L3MBTL4: variants seen among roughly 807,000 people sequenced by gnomAD.
L3MBTL4 encodes the protein L3MBTL histone methyl-lysine binding protein 4.
In L3MBTL4, 70 loss-of-function variants were observed where a neutral mutation model predicts 84.5. That is an observed-to-expected ratio of 0.83 (90% CI 0.68 to 1.01). L3MBTL4 has a LOEUF of 1.01. L3MBTL4 is among the 50% of genes least tolerant of loss of function. The pLI is 0.00. For synonymous variants in L3MBTL4, 274 were observed against 259.8 expected, an observed-to-expected ratio of 1.05 and a Z score of -0.52; for missense variants, 715 against 754.8, an observed-to-expected ratio of 0.95 and a Z score of 0.62.
chr18:6,114,751 A>T (rs1189949879), intron 14 of L3MBTL4, among the ~76,000 whole-genome samples: 1 of 152,208 alleles, frequency 6.6e-6, no homozygotes, highest in Non-Finnish European at 1.5e-5. Context: ...AAGCTTACAA[A>T]AGCTATCTTA....
intron 16 of L3MBTL4, among the ~76,000 whole-genome samples, chr18:6,009,713 ATTG>A (rs1414251488): frequency 2.0e-5 from 3 of 152,114 alleles, no homozygotes; most frequent in Non-Finnish European, 4.4e-5. Context: ...TGTTATTTTT[ATTG>A]TTGTATGTTA....
At chr18:6,183,250 C>T (rs2044562446) in intron 12 of L3MBTL4, among the ~76,000 whole-genome samples, 2 of 152,180 alleles carry the variant, frequency 1.3e-5, no homozygotes, top group Non-Finnish European at 2.9e-5. Flanking sequence ...GATATCTTTG[C>T]AAGAAAAACC....
At chr18:5,993,309 A>C (rs2145172149) in intron 16 of L3MBTL4, among the ~76,000 whole-genome samples, 1 of 152,340 alleles carries the variant, frequency 6.6e-6, no homozygotes, top group African/African-American at 2.4e-5. Context: ...TGACTTTTCC[A>C]GATAAATCTG....
intron 13 of L3MBTL4, among the ~76,000 whole-genome samples, chr18:6,170,736 A>G (rs1239113309): frequency 6.6e-6 from 1 of 151,800 alleles, no homozygotes; most frequent in African/African-American, 2.4e-5. Context: ...ACAGGGGTGT[A>G]TTGGGGGGGG....
In L3MBTL4 at chr18:6,295,338, C is replaced by CTATATATATA. The variant is rs1397490274; in HGVS notation, c.127+6564_127+6565insTATATATATA. ...TCTCTCTCTCTCTCTCTCTCTCTCT[C>CTATATATATA]TCTCTCTCTATATATATATATATAT... On this transcript the variant is annotated intron_variant, in intron 4 of 18. Coordinates refer to ENST00000317931, the MANE Select transcript of L3MBTL4 (RefSeq NM_001330559.2). Among the ~76,000 whole-genome samples, 4 of 126,528 alleles carry CTATATATATA rather than the reference C, an allele frequency of 3.2e-5. No homozygotes were observed. In the Admixed American group the frequency reaches 3.2e-4, roughly 10 times the overall value. 83.0% of individuals were successfully genotyped at this position (126,528 alleles called of 152,430 possible). A position where few individuals can be genotyped will look rare whatever the true frequency, so the allele number is the denominator to read the frequency against.
chr18:6,249,477 T>C (rs763278694), intron 5 of L3MBTL4, among the ~76,000 whole-genome samples: 6 of 152,216 alleles, frequency 3.9e-5, no homozygotes, highest in Non-Finnish European at 8.8e-5. Context: ...GCCTTTCAAA[T>C]TGGTTTCCCA....
intron 15 of L3MBTL4, among the ~76,000 whole-genome samples, chr18:6,091,428 T>C (rs1458421918): frequency 6.6e-6 from 1 of 152,216 alleles, no homozygotes; most frequent in Non-Finnish European, 1.5e-5. Context: ...GGCTTGAGGA[T>C]TCATGATGTG....
At chr18:5,969,192 A>G (rs1489868923) in intron 17 of L3MBTL4, among the ~76,000 whole-genome samples, 1 of 152,118 alleles carries the variant, frequency 6.6e-6, no homozygotes, top group Non-Finnish European at 1.5e-5. Flanking sequence ...CCATCTGGGC[A>G]AGTGGTGGGC....
chr18:6,211,712 G>T (rs2046112515), intron 12 of L3MBTL4, among the ~76,000 whole-genome samples: 1 of 150,564 alleles, frequency 6.6e-6, no homozygotes, highest in Non-Finnish European at 1.5e-5. Flanking sequence ...GCAGTGGCAT[G>T]ATCTCGGCTC....
intron 16 of L3MBTL4, among the ~76,000 whole-genome samples, chr18:5,991,900 T>G (rs2053715749): frequency 6.6e-6 from 1 of 151,846 alleles, no homozygotes; most frequent in South Asian, 2.1e-4. Context: ...TTTCCCACAC[T>G]TCTCCTCTTC....
rs71370550 is a variant in L3MBTL4 at position 6,318,494 on chromosome 18, TAA to T, written c.-90-6440_-90-6439del. Among the ~76,000 whole-genome samples the T allele has an allele frequency of 7.3e-3, 104 of 14,184 alleles. 1 individual carries two copies. The highest frequency in any genetic ancestry group is 0.019 in the African/African-American group (79 of 4,218). The allele number at this position is 14,184 out of a possible 152,430, so 9.3% of individuals were successfully genotyped here. On this transcript the variant is annotated intron_variant, in intron 1 of 18. Coordinates refer to ENST00000317931, the MANE Select transcript of L3MBTL4 (RefSeq NM_001330559.2). ...AAAACAGACTTTCAAACAACAATAGTAAAAAAAAAAAAAAAAAAAAAAAAAAA... is the reference window on the plus strand; with the variant it reads ...AAAACAGACTTTCAAACAACAATAGTAAAAAAAAAAAAAAAAAAAAAAAAA...
intron 16 of L3MBTL4, among the ~76,000 whole-genome samples, chr18:5,980,119 A>T (rs1256861033): frequency 7.0e-6 from 1 of 143,632 alleles, no homozygotes; most frequent in African/African-American, 2.6e-5. Context: ...CCCCTCATGG[A>T]GTGGCTGACG....
intron 1 of L3MBTL4, among the ~76,000 whole-genome samples, chr18:6,329,040 C>T (rs2051874705): frequency 6.6e-6 from 1 of 152,268 alleles, no homozygotes; most frequent in East Asian, 1.9e-4. Flanking sequence ...AGAAACAGAA[C>T]ATGTGAATGT....
intron 1 of L3MBTL4, among the ~76,000 whole-genome samples, chr18:6,371,756 T>C (rs1413901031): frequency 1.3e-5 from 2 of 152,214 alleles, no homozygotes; most frequent in Non-Finnish European, 2.9e-5. Flanking sequence ...CAACCTATAA[T>C]AAAGCAGAAA....
At chr18:6,329,876 C>A (rs140681796) in intron 1 of L3MBTL4, among the ~76,000 whole-genome samples, 65 of 152,186 alleles carry the variant, frequency 4.3e-4, no homozygotes, top group Non-Finnish European at 9.0e-4. Context: ...TAAGTTTCGA[C>A]AGGAGTTTTG....
At chr18:5,970,170 C>T (rs570629009) in intron 16 of L3MBTL4, among the ~76,000 whole-genome samples, 10 of 152,362 alleles carry the variant, frequency 6.6e-5, no homozygotes, top group African/African-American at 2.4e-4. Flanking sequence ...GGGGTGACAT[C>T]CTGTGGCAGC....
At chr18:6,032,747 T>C (rs1295030439) in intron 16 of L3MBTL4, among the ~76,000 whole-genome samples, 1 of 152,152 alleles carries the variant, frequency 6.6e-6, no homozygotes, top group Non-Finnish European at 1.5e-5. Flanking sequence ...CCCACTCTAC[T>C]TTCTGTCTCT....
chr18:6,095,141 T>C (rs1209027612), intron 14 of L3MBTL4, among the ~76,000 whole-genome samples: 1 of 152,194 alleles, frequency 6.6e-6, no homozygotes. Context: ...CCCACTATTA[T>C]ACAGGGTGTT....
intron 16 of L3MBTL4, among the ~76,000 whole-genome samples, chr18:5,999,519 A>T (rs1480897638): frequency 6.6e-6 from 1 of 152,252 alleles, no homozygotes; most frequent in Non-Finnish European, 1.5e-5. Context: ...AGAAAAGAAC[A>T]TGTTTTTCTA....
Sources: allele counts gnomAD v4.1 joint callset (sites outside exome capture counted in the v4.1 genomes callset), GRCh38; gene constraint gnomAD v4.1.1; transcripts MANE v1.5; gene names NCBI Gene and HGNC (gene_info 2026-07-23, HGNC 2026-07-21).